Variants in STK38 observed in about 807,000 individuals in gnomAD.
STK38 encodes the protein serine/threonine-protein kinase 38.
A neutral mutation model predicts 59.0 loss-of-function variants in STK38; 26 were observed. The ratio of observed to expected loss-of-function variants is 0.44; its 90% confidence interval spans 0.32 to 0.61. The LOEUF (loss-of-function observed/expected upper bound fraction) is 0.61, where lower values mean the gene tolerates loss of function less well. Ranked by LOEUF, STK38 falls within the 20% of genes least tolerant of loss-of-function variation. STK38 has a pLI of 0.04. For synonymous variants in STK38, 175 were observed against 176.6 expected, an observed-to-expected ratio of 0.99 and a Z score of 0.07; for missense variants, 433 against 566.0, an observed-to-expected ratio of 0.76 and a Z score of 2.38.
At chr6:36,536,199 T>C (rs1312659847) in intron 2 of STK38, among the ~76,000 whole-genome samples, 1 of 152,196 alleles carries the variant, frequency 6.6e-6, no homozygotes, top group Non-Finnish European at 1.5e-5. Context: ...GGAAGATCTT[T>C]TCCACAAATG....
At chr6:36,523,743 T>G (rs1208016704) in intron 4 of STK38, among the ~76,000 whole-genome samples, 1 of 152,206 alleles carries the variant, frequency 6.6e-6, no homozygotes, top group African/African-American at 2.4e-5. Context: ...GGGGACAAAG[T>G]CGCAAATGCT....
At chr6:36,512,491 C>CCA (rs2127473914) in intron 7 of STK38, among the ~76,000 whole-genome samples, 1 of 152,274 alleles carries the variant, frequency 6.6e-6, no homozygotes, top group African/African-American at 2.4e-5. Flanking sequence ...ATATATCTGA[C>CCA]ATTAATGACA....
intron 4 of STK38, among the ~76,000 whole-genome samples, chr6:36,523,263 TTG>T (rs1491029867): frequency 1.5e-5 from 2 of 133,940 alleles, no homozygotes; most frequent in Admixed American, 7.5e-5. Flanking sequence ...ACCAGGTTTT[TTG>T]TTTTTTTTTT....
chr6:36,533,634 A>G (rs1275610365), intron 2 of STK38, among the ~76,000 whole-genome samples: 1 of 152,212 alleles, frequency 6.6e-6, no homozygotes, highest in African/African-American at 2.4e-5. Flanking sequence ...AAAACCATAC[A>G]TCATCTTGTT....
intron 2 of STK38, among the ~76,000 whole-genome samples, chr6:36,529,803 C>T (rs1364056342): frequency 1.3e-5 from 2 of 152,112 alleles, no homozygotes; most frequent in Admixed American, 6.5e-5. Context: ...TACAATTAGC[C>T]CCCTTTTCTA....
intron 2 of STK38, among the ~76,000 whole-genome samples, chr6:36,531,549 A>G (rs1777666919): frequency 6.6e-6 from 1 of 152,242 alleles, no homozygotes; most frequent in South Asian, 2.1e-4. Flanking sequence ...TGCTGCTCCT[A>G]GAGAAGGTCA....
At chr6:36,538,471 C>T (rs1390778248) in intron 2 of STK38, among the ~76,000 whole-genome samples, 5 of 152,122 alleles carry the variant, frequency 3.3e-5, no homozygotes, top group African/African-American at 1.2e-4. Context: ...AAATGGTACC[C>T]TTGAACTTGT....
intron 7 of STK38, among the ~76,000 whole-genome samples, chr6:36,511,009 G>A (rs942265260): frequency 1.9e-4 from 29 of 152,200 alleles, no homozygotes; most frequent in African/African-American, 6.8e-4. Flanking sequence ...TTTTAAGATG[G>A]AGAGTTGAAA....
rs1777700364 is a variant in STK38 at position 36,532,891 on chromosome 6, T to TC, written c.131+7180dup. Among the ~76,000 whole-genome samples, 4 of 151,594 alleles carry TC rather than the reference T, an allele frequency of 2.6e-5. No homozygotes were observed. In the South Asian group the frequency reaches 8.4e-4, roughly 32 times the overall value. The stretch of plus-strand genomic sequence containing the variant: ...TCTAGCCTGGGCAAAAGAGCAAAAC[T>TC]CCGTCTCAAAAACAAAATGAAAATA... On this transcript the variant is annotated intron_variant, in intron 2 of 13. Transcript: ENST00000229812.
At chr6:36,538,229 G>A (rs753473892) in intron 2 of STK38, among the ~76,000 whole-genome samples, 12 of 151,864 alleles carry the variant, frequency 7.9e-5, no homozygotes, top group Non-Finnish European at 1.3e-4. Flanking sequence ...GCGTGAACCT[G>A]GGAGGCGGAG....
intron 3 of STK38, among the ~76,000 whole-genome samples, chr6:36,524,737 T>C (rs1209538611): frequency 6.6e-6 from 1 of 152,250 alleles, no homozygotes; most frequent in East Asian, 1.9e-4. Context: ...CCTAACATTT[T>C]TGGTGAAGGG....
intron 3 of STK38, 68 bp from the exon 4 acceptor site, chr6:36,524,531 T>C (rs527383637): frequency 3.2e-5 from 48 of 1,485,490 alleles, no homozygotes; most frequent in South Asian, 1.4e-4. Flanking sequence ...TAACAAGTCA[T>C]GTTTGTGACT....
At chr6:36,527,134 G>A (rs1421160316) in intron 2 of STK38, among the ~76,000 whole-genome samples, 2 of 146,260 alleles carry the variant, frequency 1.4e-5, no homozygotes, top group Non-Finnish European at 1.5e-5. Flanking sequence ...AGAGGTTGCA[G>A]TGAGTCAAGA....
chr6:36,538,180 T>C (rs1022649838), intron 2 of STK38, among the ~76,000 whole-genome samples: 3 of 152,036 alleles, frequency 2.0e-5, no homozygotes, highest in Non-Finnish European at 4.4e-5. Flanking sequence ...GGCAAGCGCC[T>C]GTAGTCCCAG....
intron 1 of STK38, among the ~76,000 whole-genome samples, chr6:36,542,374 T>C (rs1240389581): frequency 1.3e-5 from 2 of 152,194 alleles, no homozygotes; most frequent in Non-Finnish European, 2.9e-5. Context: ...ACGATTCTAG[T>C]GGTAGAAGCA....
At chr6:36,521,242 G>T (rs1301699693) in intron 5 of STK38, among the ~76,000 whole-genome samples, 2 of 152,052 alleles carry the variant, frequency 1.3e-5, no homozygotes, top group Non-Finnish European at 2.9e-5. Flanking sequence ...TAGAAGGCTG[G>T]TCTTTTTCAG....
At chr6:36,527,207 A>AAAAAAATATATAT (rs60162863) in intron 2 of STK38, among the ~76,000 whole-genome samples, 1 of 119,350 alleles carries the variant, frequency 8.4e-6, no homozygotes, top group Admixed American at 1.0e-4. Flanking sequence ...AAAAAAAAAA[A>AAAAAAATATATAT]ATATATGTAT....
intron 1 of STK38, among the ~76,000 whole-genome samples, chr6:36,542,497 T>G (rs1288510584): frequency 6.6e-6 from 1 of 152,134 alleles, no homozygotes; most frequent in Non-Finnish European, 1.5e-5. Context: ...TAAAATATTG[T>G]TTTCAACCAG....
chr6:36,512,697 T>G (rs984383446), intron 7 of STK38, among the ~76,000 whole-genome samples: 15 of 152,340 alleles, frequency 9.8e-5, no homozygotes, highest in African/African-American at 3.6e-4. Context: ...TCTCGCTCTG[T>G]TGGCCAGGCT....
Sources: allele counts gnomAD v4.1 joint callset (sites outside exome capture counted in the v4.1 genomes callset), GRCh38; gene constraint gnomAD v4.1.1; transcripts MANE v1.5; gene names NCBI Gene and HGNC (gene_info 2026-07-23, HGNC 2026-07-21).